ADGRF5: variants seen among roughly 807,000 people sequenced by gnomAD.
ADGRF5 encodes G-protein coupled receptor 116.
A neutral mutation model predicts 132.3 loss-of-function variants in ADGRF5; 75 were observed. The observed-to-expected ratio is 0.57, with a 90% CI of 0.47 to 0.69. ADGRF5 has a LOEUF of 0.69. Ranked by LOEUF, ADGRF5 falls within the 30% of genes least tolerant of loss-of-function variation. ADGRF5 has a pLI of 0.00. For synonymous variants in ADGRF5, 629 were observed against 597.6 expected (o/e 1.05, Z -0.77); for missense variants, 1,516 against 1,630.6 (o/e 0.93, Z 1.21).
At chr6:46,906,996 T>C (rs930820354) in intron 1 of ADGRF5, among the ~76,000 whole-genome samples, 1 of 152,212 alleles carries the variant, frequency 6.6e-6, no homozygotes, top group Non-Finnish European at 1.5e-5. Context: ...TGCGGGTTGA[T>C]AGGCTGAGAA....
chr6:46,869,751 A>G (rs1027422812), intron 11 of ADGRF5, among the ~76,000 whole-genome samples: 2 of 152,204 alleles, frequency 1.3e-5, no homozygotes, highest in Admixed American at 6.5e-5. Flanking sequence ...TAATGGCTAA[A>G]AGCACAATTA....
chr6:46,877,288 TTTCTC>T (rs1771851156), intron 10 of ADGRF5, among the ~76,000 whole-genome samples: 1 of 48,022 alleles, frequency 2.1e-5, no homozygotes. Context: ...TCTTTCTTTC[TTTCTC>T]TCTCTCTCTC....
Position 46,909,301 on chromosome 6 carries a change from G to A in ADGRF5, c.-24-2515C>T, listed in dbSNP as rs558944959. On this transcript the variant is annotated intron_variant, in intron 1 of 20. Transcript: ENST00000283296. ...AGAGACAAAGAGAGAAACAGAGGCA[G>A]AGAAAGAAAGAACATTATCAGATGT... 3.3e-5 allele frequency among the ~76,000 whole-genome samples: 5 copies of A among 152,286 alleles called. No homozygotes were observed. The East Asian group carries it at 7.7e-4, about 23-fold the overall frequency.
chr6:46,891,787 G>T (rs1479863767), intron 3 of ADGRF5, among the ~76,000 whole-genome samples: 1 of 152,214 alleles, frequency 6.6e-6, no homozygotes, highest in African/African-American at 2.4e-5. Context: ...CCAAGCCAAA[G>T]CATCAAGAAC....
chr6:46,888,343 A>C lies in ADGRF5; in HGVS notation c.320T>G (p.Val107Gly). ...ATGGGTCTCTTACTCACCTGTTGTC[A>C]CATTTATGCTCAAAATGTCGGTAAT... ...DQITDILSIN[V>G]TTVCRPAGNE... Residue 107 changes from valine (V) to glycine (G), a missense_variant, in exon 4 of 21, where the codon GTG becomes GGG. Val to Gly is a moderately radical substitution (Grantham distance 109, BLOSUM62 -3). Around this residue, in one of 2 missense-constraint regions of ADGRF5, gnomAD observed 945 missense variants for 929.4 expected, o/e 1.02. Transcript: ENST00000283296. 6.2e-7 allele frequency: 1 copy of C among 1,607,772 alleles called. No homozygotes were observed. The highest frequency in any genetic ancestry group is 8.5e-7 in the Non-Finnish European group (1 of 1,174,234).
chr6:46,876,718 C>G lies in ADGRF5; in HGVS notation c.1240+1484G>C, dbSNP rs1453848769. Among the ~76,000 whole-genome samples the G allele has an allele frequency of 2.6e-4, 39 of 152,124 alleles. 1 individual carries two copies. Among genetic ancestry groups the G allele is most frequent in the Admixed American group, 2.6e-3 (39 of 15,274 alleles). The stretch of plus-strand genomic sequence containing the variant: ...TCTCGGGTTCAAGTGATTCTCCTGC[C>G]TCAGCCTCCCAAGTAGCTGGAACTA... On this transcript the variant is annotated intron_variant, in intron 10 of 20. Transcript: ENST00000283296.
upstream of ADGRF5, among the ~76,000 whole-genome samples, chr6:46,922,321 C>T (rs1252307052): frequency 6.6e-6 from 1 of 152,078 alleles, no homozygotes; most frequent in Non-Finnish European, 1.5e-5. Context: ...AAAAAGAATC[C>T]GCAGAAGAGA....
At chr6:46,867,704 C>A (rs1770602408) in intron 12 of ADGRF5, among the ~76,000 whole-genome samples, 1 of 152,206 alleles carries the variant, frequency 6.6e-6, no homozygotes. Flanking sequence ...CTTTACATTG[C>A]TTCCCTTTGC....
At chr6:46,857,012 T>C (rs1270938484) in intron 17 of ADGRF5, 104 bp from the exon 18 acceptor site, 2 of 888,294 alleles carry the variant, frequency 2.3e-6, no homozygotes, top group Non-Finnish European at 3.6e-6. Context: ...CTACTTCTTT[T>C]TCCTTCTGAG....
rs774204613 is a variant in ADGRF5, at chr6:46,859,201, G to A, written c.2702C>T (p.Ala901Val). The A allele has an allele frequency of 6.2e-7, 1 of 1,614,070 alleles. No homozygotes were observed. Among genetic ancestry groups the A allele is most frequent in the Non-Finnish European group, 8.5e-7 (1 of 1,179,906 alleles). Residue 901 changes from alanine to valine, a missense_variant, in exon 17 of 21, where the codon GCT (alanine) becomes GTT (valine). Physicochemically the swap from Ala to Val is moderately conservative, Grantham distance 64. Coordinates refer to ENST00000283296, the MANE Select transcript of ADGRF5 (RefSeq NM_001098518.2). Reference protein sequence around the residue: ...LQSDSSIVTMAFPTLQAILAQ... With the variant: ...LQSDSSIVTMVFPTLQAILAQ... ...AAGGATGGCTTGGAGAGTTGGGAAA[G>A]CCATGGTGACAATAGACGAATCCGA...
chr6:46,880,111 A>G, intron 8 of ADGRF5, 72 bp from the exon 9 acceptor site: 1 of 1,025,230 alleles, frequency 9.8e-7, no homozygotes, highest in Non-Finnish European at 1.5e-6. Flanking sequence ...ACCACACACA[A>G]CCACCACAAG....
chr6:46,889,766 T>C (rs1301820251), intron 3 of ADGRF5, among the ~76,000 whole-genome samples: 1 of 109,174 alleles, frequency 9.2e-6, no homozygotes, highest in Non-Finnish European at 2.0e-5. Context: ...ATATATAATA[T>C]ATTATGTGTG....
At chr6:46,860,006 T>G (rs1769551844) in intron 16 of ADGRF5, among the ~76,000 whole-genome samples, 1 of 152,056 alleles carries the variant, frequency 6.6e-6, no homozygotes, top group Non-Finnish European at 1.5e-5. Flanking sequence ...TGCTTGGACC[T>G]GGGAAGTGGA....
intron 1 of ADGRF5, among the ~76,000 whole-genome samples, chr6:46,952,047 G>T (rs1778520677): frequency 6.6e-6 from 1 of 152,146 alleles, no homozygotes; most frequent in Non-Finnish European, 1.5e-5. Context: ...CTCCCCTGTA[G>T]CTCTCTGTCT....
intron 4 of ADGRF5, among the ~76,000 whole-genome samples, chr6:46,886,264 T>C (rs1773060390): frequency 6.6e-6 from 1 of 152,230 alleles, no homozygotes; most frequent in African/African-American, 2.4e-5. Flanking sequence ...TGGGCACTGA[T>C]GCAGCCTGTG....
rs950026247 is a variant in ADGRF5, at chr6:46,905,847, T to C, written c.102+814A>G. On this transcript the variant is annotated intron_variant, in intron 2 of 20. Coordinates refer to ENST00000283296, the MANE Select transcript of ADGRF5 (RefSeq NM_001098518.2). The stretch of plus-strand genomic sequence containing the variant: ...CAGCAAACAGTCACATAACATTTAT[T>C]ATGTGCCAGACACTGTTCTAGAGCA... Among the ~76,000 whole-genome samples, 4 of 152,190 alleles carry C rather than the reference T, an allele frequency of 2.6e-5. 1 individual carries two copies. The highest frequency in any genetic ancestry group is 1.3e-4 in the Admixed American group (2 of 15,276).
intron 10 of ADGRF5, among the ~76,000 whole-genome samples, chr6:46,877,259 C>CTTTT (rs1771809832): frequency 5.4e-5 from 2 of 36,730 alleles, no homozygotes; most frequent in African/African-American, 3.4e-4. Flanking sequence ...TTCTTTCTTT[C>CTTTT]TTTCTTTCTT....
At chr6:46,899,139 G>C (rs1443213670) in intron 3 of ADGRF5, among the ~76,000 whole-genome samples, 1 of 152,138 alleles carries the variant, frequency 6.6e-6, no homozygotes, top group Admixed American at 6.5e-5. Context: ...TGGATGGAGG[G>C]CCTAACAGGG....
intron 9 of ADGRF5, among the ~76,000 whole-genome samples, 166 bp from the exon 10 acceptor site, chr6:46,878,571 A>G (rs1438308947): frequency 6.6e-6 from 1 of 152,230 alleles, no homozygotes; most frequent in African/African-American, 2.4e-5. Flanking sequence ...GAATTCAGGA[A>G]GTGCAGATAT....
Sources: gnomAD v4.1 joint callset for allele counts (sites outside exome capture counted in the v4.1 genomes callset) on GRCh38, gnomAD v4.1.1 for gene constraint, gnomAD v4.1.1 regional missense constraint, MANE v1.5 for transcripts, NCBI Gene and HGNC (gene_info 2026-07-23, HGNC 2026-07-21) for gene names.